Variants in MACROD2 observed in about 807,000 individuals in gnomAD.
The protein encoded by MACROD2 is ADP-ribose glycohydrolase MACROD2.
Under a neutral mutation model 70.4 loss-of-function variants are expected in MACROD2, and 36 were observed. The ratio of observed to expected loss-of-function variants is 0.51; its 90% CI spans 0.39 to 0.68. The LOEUF is 0.68. Among genes scored for constraint, MACROD2 ranks in the 30% least tolerant of loss-of-function variants. The pLI is 0.00. For synonymous variants in MACROD2, 172 were observed against 178.8 expected (o/e 0.96, Z 0.30); for missense variants, 496 against 538.4 (o/e 0.92, Z 0.78).
intron 8 of MACROD2, among the ~76,000 whole-genome samples, chr20:15,803,942 T>C (rs972881355): frequency 3.9e-5 from 6 of 152,254 alleles, no homozygotes; most frequent in Non-Finnish European, 8.8e-5. Context: ...AAACTATAAG[T>C]TCTTAGAATT....
At chr20:14,316,835 C>T (rs1320676002) in intron 3 of MACROD2, among the ~76,000 whole-genome samples, 1 of 152,166 alleles carries the variant, frequency 6.6e-6, no homozygotes, top group African/African-American at 2.4e-5. Flanking sequence ...AGTGTTTCTC[C>T]ATACAGTAGC....
At chr20:14,767,354 C>T (rs1173287177) in intron 5 of MACROD2, among the ~76,000 whole-genome samples, 1 of 151,834 alleles carries the variant, frequency 6.6e-6, no homozygotes, top group Non-Finnish European at 1.5e-5. Context: ...AGGAAAAACA[C>T]TAGCTGGAAC....
At chr20:15,426,078 A>T (rs1196691998) in intron 6 of MACROD2, among the ~76,000 whole-genome samples, 1 of 152,172 alleles carries the variant, frequency 6.6e-6, no homozygotes, top group South Asian at 2.1e-4. Context: ...GGAAGGCCGC[A>T]GGGTCCTCTG....
At chr20:15,954,135 T>G (rs1024245668) in intron 12 of MACROD2, among the ~76,000 whole-genome samples, 1 of 152,152 alleles carries the variant, frequency 6.6e-6, no homozygotes, top group Non-Finnish European at 1.5e-5. Flanking sequence ...TTTCATTTCA[T>G]AAATTGGGTA....
chr20:14,751,272 C>A (rs1255850887), intron 5 of MACROD2, among the ~76,000 whole-genome samples: 1 of 151,934 alleles, frequency 6.6e-6, no homozygotes. Context: ...TCAAATGGCA[C>A]CTATCAGATC....
chr20:15,922,863 A>T (rs1275597246), intron 10 of MACROD2, among the ~76,000 whole-genome samples: 1 of 152,230 alleles, frequency 6.6e-6, no homozygotes, highest in Non-Finnish European at 1.5e-5. Flanking sequence ...GCTTCCCCAA[A>T]GTTTTGCTCA....
At chr20:14,719,913 A>G (rs1211034822) in intron 5 of MACROD2, among the ~76,000 whole-genome samples, 1 of 152,258 alleles carries the variant, frequency 6.6e-6, no homozygotes, top group East Asian at 1.9e-4. Flanking sequence ...AGAAAAAGAA[A>G]TTCTGTGGAT....
At chr20:14,045,646 T>C (rs1194242976) in intron 2 of MACROD2, among the ~76,000 whole-genome samples, 1 of 152,094 alleles carries the variant, frequency 6.6e-6, no homozygotes, top group African/African-American at 2.4e-5. Context: ...AACTCAGCAA[T>C]CATGAGCAAC....
rs997144048 is a variant in MACROD2 at position 14,130,321 on chromosome 20, G to T, written c.271+44593G>T. ...CCAGCACTTTGGGAGGCCAAGGTGG[G>T]TGGATCACCTGAGGTCAGGAGTTCA... On this transcript the variant is annotated intron_variant, in intron 3 of 17. Coordinates refer to ENST00000684519, the MANE Select transcript of MACROD2 (RefSeq NM_001351661.2). 2.0e-5 allele frequency among the ~76,000 whole-genome samples: 3 copies of T among 152,282 alleles called. No individual in the cohort carries two copies. The South Asian group carries it at 6.2e-4, about 32-fold the overall frequency.
intron 8 of MACROD2, among the ~76,000 whole-genome samples, chr20:15,730,080 A>G (rs2050925019): frequency 6.6e-6 from 1 of 152,086 alleles, no homozygotes; most frequent in Admixed American, 6.5e-5. Flanking sequence ...CACCTGCCTC[A>G]GCCTCCCAAA....
At chr20:14,431,051 G>A (rs1021504723) in intron 3 of MACROD2, among the ~76,000 whole-genome samples, 1 of 152,072 alleles carries the variant, frequency 6.6e-6, no homozygotes, top group Non-Finnish European at 1.5e-5. Context: ...GGTATTTTGG[G>A]TTTCCTTTTT....
rs375658628 is a variant in MACROD2, at chr20:15,460,850, A to G, written c.571+29415A>G. ...CTTTTCTATGAAATCAACTGTTTTC[A>G]GAATGAGCTCTGCACACCCTAGAGA... On this transcript the variant is annotated intron_variant, in intron 7 of 17. Transcript: ENST00000684519. Among the ~76,000 whole-genome samples the G allele has an allele frequency of 2.8e-4, 43 of 151,720 alleles. No individual in the cohort carries two copies. In the East Asian group the frequency reaches 3.3e-3, roughly 12 times the overall value.
At chr20:14,933,837 A>C (rs1287829778) in intron 5 of MACROD2, 1 of 152,186 alleles carries the variant, frequency 6.6e-6, no homozygotes, top group Non-Finnish European at 1.5e-5. Context: ...TTTACTCTGA[A>C]ATTTGTACAG....
intron 3 of MACROD2, among the ~76,000 whole-genome samples, chr20:14,474,008 A>G (rs1045158285): frequency 1.3e-5 from 2 of 151,598 alleles, no homozygotes; most frequent in Non-Finnish European, 2.9e-5. Context: ...TTTTATTATT[A>G]TTATTTTTTA....
chr20:15,056,522 G>T (rs571623898), intron 5 of MACROD2, among the ~76,000 whole-genome samples: 1 of 152,130 alleles, frequency 6.6e-6, no homozygotes, highest in Non-Finnish European at 1.5e-5. Flanking sequence ...GTTCACAGCT[G>T]TTAGGTGAAG....
At chr20:14,241,755 C>A (rs2081931522) in intron 3 of MACROD2, among the ~76,000 whole-genome samples, 1 of 151,942 alleles carries the variant, frequency 6.6e-6, no homozygotes. Flanking sequence ...CAAGGAGGGG[C>A]CCTGTAGCAG....
chr20:15,088,964 T>C (rs1179162358), intron 5 of MACROD2, among the ~76,000 whole-genome samples: 1 of 152,110 alleles, frequency 6.6e-6, no homozygotes, highest in Non-Finnish European at 1.5e-5. Context: ...GCTCATGTGA[T>C]TTAAAAATAA....
At chr20:15,265,478 A>T (rs1468768801) in intron 6 of MACROD2, among the ~76,000 whole-genome samples, 1 of 152,144 alleles carries the variant, frequency 6.6e-6, no homozygotes, top group Non-Finnish European at 1.5e-5. Flanking sequence ...TTTCTTGGCA[A>T]TTCAGTCTTC....
intron 5 of MACROD2, chr20:14,904,874 G>C (rs1285033033): frequency 6.6e-6 from 1 of 152,142 alleles, no homozygotes; most frequent in Non-Finnish European, 1.5e-5. Context: ...GTGGCCTCCA[G>C]GGCCCCTGTA....
Sources: gnomAD v4.1 joint callset for allele counts (sites outside exome capture counted in the v4.1 genomes callset) on GRCh38, gnomAD v4.1.1 for gene constraint, MANE v1.5 for transcripts, NCBI Gene and HGNC (gene_info 2026-07-23, HGNC 2026-07-21) for gene names.